The following DOCK10 variants were observed in gnomAD, a reference collection of about 807,000 sequenced individuals.
The protein encoded by DOCK10 is dedicator of cytokinesis 10.
Under a neutral mutation model 280.1 loss-of-function variants are expected in DOCK10, and 145 were observed. The observed-to-expected ratio is 0.52, with a 90% confidence interval of 0.45 to 0.59. The LOEUF is 0.59. DOCK10 is among the 20% of genes least tolerant of loss of function. The probability of loss-of-function intolerance (pLI) is 0.00; values close to 1 mark genes in which losing one functional copy is unlikely to be tolerated. For synonymous variants in DOCK10, 915 were observed against 942.2 expected (o/e 0.97, Z 0.53); for missense variants, 2,368 against 2,651.7 (o/e 0.89, Z 2.35).
chr2:224,865,051 G>C lies in DOCK10; in HGVS notation c.1294C>G (p.Leu432Val). 1 of 1,613,888 alleles carries C rather than the reference G, an allele frequency of 6.2e-7. No homozygotes were observed. Among genetic ancestry groups the C allele is most frequent in the Non-Finnish European group, 8.5e-7 (1 of 1,179,882 alleles). ...PFFVSVALYD[L>V]RDSRKISADF... ...GCAGAAATCTTCCTGCTGTCTCTGAGGTCATAAAGTGCCACACTCACAAAA... is the reference window on the plus strand; with the variant it reads ...GCAGAAATCTTCCTGCTGTCTCTGACGTCATAAAGTGCCACACTCACAAAA... The change falls in exon 12 of 56, where the codon CTC becomes GTC. Residue 432 changes from leucine to valine, a missense_variant. Physicochemically the swap from Leu to Val is conservative, Grantham distance 32 (BLOSUM62 1). Transcript: ENST00000258390.
intron 3 of DOCK10, among the ~76,000 whole-genome samples, chr2:224,900,007 T>A (rs1336190842): frequency 1.3e-5 from 2 of 152,178 alleles, no homozygotes; most frequent in Non-Finnish European, 2.9e-5. Context: ...TTCACAATAT[T>A]GGACTGGATT....
chr2:224,909,263 G>A (rs1177106970), intron 3 of DOCK10, among the ~76,000 whole-genome samples: 1 of 152,144 alleles, frequency 6.6e-6, no homozygotes, highest in African/African-American at 2.4e-5. Flanking sequence ...TTGTGGGAGT[G>A]GTGCTTGTTT....
intron 4 of DOCK10, chr2:224,893,606 C>G (rs868496447): frequency 2.3e-6 from 1 of 430,920 alleles, no homozygotes; most frequent in African/African-American, 2.1e-5. Flanking sequence ...ATTTTCCATT[C>G]TAGCCTGAAG....
intron 51 of DOCK10, among the ~76,000 whole-genome samples, chr2:224,775,657 G>T (rs1029410936): frequency 7.9e-5 from 12 of 152,058 alleles, no homozygotes; most frequent in Non-Finnish European, 1.0e-4. Context: ...TGTAGTTTTA[G>T]TAGAGAGAGG....
At chr2:225,006,196 A>G (rs968333715) in intron 1 of DOCK10, among the ~76,000 whole-genome samples, 1 of 152,044 alleles carries the variant, frequency 6.6e-6, no homozygotes, top group Non-Finnish European at 1.5e-5. Flanking sequence ...CATACCTTCC[A>G]TTTATGGCCA....
chr2:224,916,869 CTT>C, intron 2 of DOCK10, 85 bp from the exon 3 acceptor site: 1 of 972,282 alleles, frequency 1.0e-6, no homozygotes, highest in Non-Finnish European at 1.6e-6. Context: ...AAAGGGAAGT[CTT>C]TTAGATCTTA....
intron 4 of DOCK10, among the ~76,000 whole-genome samples, chr2:224,893,019 A>AG (rs1699790182): frequency 6.6e-6 from 1 of 152,310 alleles, no homozygotes; most frequent in South Asian, 2.1e-4. Flanking sequence ...ACCAAGATAA[A>AG]GGGCTCATCC....
At chr2:224,851,467 A>T (rs1471110205) in intron 18 of DOCK10, among the ~76,000 whole-genome samples, 1 of 150,704 alleles carries the variant, frequency 6.6e-6, no homozygotes, top group Admixed American at 6.6e-5. Context: ...TTAAAAAAAA[A>T]AAAAAAGACT....
intron 1 of DOCK10, among the ~76,000 whole-genome samples, chr2:225,007,747 G>A (rs73993979): frequency 0.035 from 5,311 of 152,190 alleles, 193 homozygotes; most frequent in African/African-American, 0.095. Context: ...AAGCAGGACC[G>A]ATTGCAAGGA....
Position 224,849,566 on chromosome 2 carries a change from T to C in DOCK10, c.2176A>G (p.Thr726Ala), listed in dbSNP as rs1574934010. 6.2e-7 allele frequency: 1 copy of C among 1,611,206 alleles called. No homozygotes were observed. Among genetic ancestry groups the C allele is most frequent in the Admixed American group, 1.7e-5 (1 of 59,688 alleles). ...IYGKPGGPLFTSAAYTAVLHH... is the reference protein window; with the variant it reads ...IYGKPGGPLFASAAYTAVLHH... Reference sequence around the variant, plus strand: ...AGAACTGCTGTGTAGGCGGCTGAGGTGAAGAGGGGCCCTCCAGGTTTTCCA... The same window carrying C: ...AGAACTGCTGTGTAGGCGGCTGAGGCGAAGAGGGGCCCTCCAGGTTTTCCA... The change falls in exon 19 of 56, where the codon ACC (threonine) becomes GCC (alanine). Residue 726 changes from threonine (T) to alanine (A), a missense_variant. Transcript: ENST00000258390.
In DOCK10 at chr2:224,805,096, A is replaced by C; in HGVS notation, c.4080T>G (p.Ala1360=). Residue 1360 remains alanine (A), a synonymous_variant, in exon 37 of 56, where the codon GCT becomes GCG. Coordinates refer to ENST00000258390, the MANE Select transcript of DOCK10 (RefSeq NM_014689.3). This position sits in a 1 kb window ranked among gnomAD's most constrained non-coding sequence, Gnocchi z 4.3. ...YETLIAYWQR[A]PSPEVSDFFS... ...AGAAGTCGGACACCTCTGGGCTGGG[A>C]GCTCTCTGCCAGTAGGCAATCAGAG... is the stretch of plus-strand genomic sequence containing the variant. The C allele has an allele frequency of 6.2e-7, 1 of 1,611,822 alleles. No individual in the cohort carries two copies. Among genetic ancestry groups the C allele is most frequent in the African/African-American group, 1.3e-5 (1 of 74,954 alleles).
intron 41 of DOCK10, among the ~76,000 whole-genome samples, chr2:224,799,502 T>C (rs889896380): frequency 1.3e-5 from 2 of 152,248 alleles, no homozygotes; most frequent in Admixed American, 6.5e-5. Context: ...TGTGGAGATA[T>C]GTTTTCACTT....
At chr2:224,830,712 A>C in intron 26 of DOCK10, 100 bp from the exon 27 acceptor site, 1 of 564,752 alleles carries the variant, frequency 1.8e-6, no homozygotes, top group East Asian at 3.3e-5. Context: ...TGTTATGTTA[A>C]AATGTATTCT....
intron 1 of DOCK10, among the ~76,000 whole-genome samples, chr2:224,959,437 CTTTTTT>C (rs55894832): frequency 1.4e-5 from 2 of 142,312 alleles, no homozygotes; most frequent in Non-Finnish European, 3.0e-5. Context: ...TTATTATTTT[CTTTTTT>C]TTTTTTTTTT....
intron 1 of DOCK10, among the ~76,000 whole-genome samples, chr2:224,967,323 G>T (rs1003907836): frequency 6.6e-6 from 1 of 152,108 alleles, no homozygotes. Context: ...CTTGTGATCT[G>T]CCCACCTCGG....
chr2:224,787,437 G>A, intron 48 of DOCK10, 40 bp from the exon 49 acceptor site: 1 of 1,608,494 alleles, frequency 6.2e-7, no homozygotes, highest in Non-Finnish European at 8.5e-7. Flanking sequence ...TACATGATTA[G>A]GGTTGTGGCT....
chr2:224,854,486 A>G (rs1177018303), intron 16 of DOCK10, among the ~76,000 whole-genome samples: 3 of 152,178 alleles, frequency 2.0e-5, no homozygotes, highest in Admixed American at 6.5e-5. Flanking sequence ...CAGTGTTCAG[A>G]GTAACCCTCT....
chr2:224,873,642 G>C (rs999613906), intron 11 of DOCK10, among the ~76,000 whole-genome samples: 3 of 146,650 alleles, frequency 2.0e-5, no homozygotes, highest in Non-Finnish European at 4.5e-5. Flanking sequence ...ACTACTAAGA[G>C]GATACACACA....
At chr2:225,012,265 A>G (rs1689464277) in intron 1 of DOCK10, among the ~76,000 whole-genome samples, 1 of 152,182 alleles carries the variant, frequency 6.6e-6, no homozygotes, top group South Asian at 2.1e-4. Context: ...CCAGACTGAA[A>G]TGAACAGTAA....
Sources: allele counts gnomAD v4.1 joint callset (sites outside exome capture counted in the v4.1 genomes callset), GRCh38; gene constraint gnomAD v4.1.1; non-coding constraint Gnocchi (gnomAD v3.1); transcripts MANE v1.5; gene names NCBI Gene and HGNC (gene_info 2026-07-23, HGNC 2026-07-21).